Variants in SDCCAG8 observed in about 807,000 individuals in gnomAD.
SDCCAG8 encodes the protein serologically defined colon cancer antigen 8.
A neutral mutation model predicts 101.8 loss-of-function variants in SDCCAG8; 74 were observed. The observed-to-expected ratio is 0.73, with a 90% CI of 0.60 to 0.88. The LOEUF is 0.88. Ranked by LOEUF, SDCCAG8 falls within the 40% of genes least tolerant of loss-of-function variation. The probability of loss-of-function intolerance (pLI) is 0.00; values close to 1 mark genes in which losing one functional copy is unlikely to be tolerated. For synonymous variants in SDCCAG8, 281 were observed against 292.9 expected, an observed-to-expected ratio of 0.96 and a Z score of 0.41; for missense variants, 787 against 822.6, an observed-to-expected ratio of 0.96 and a Z score of 0.53.
At chr1:243,257,188 C>A (rs1431535747) in intron 1 of SDCCAG8, among the ~76,000 whole-genome samples, 4 of 152,140 alleles carry the variant, frequency 2.6e-5, no homozygotes, top group Admixed American at 2.6e-4. Context: ...TTATATGGGA[C>A]ATATGTGTAC....
chr1:243,498,318 C>T (rs1668546807), intron 17 of SDCCAG8, among the ~76,000 whole-genome samples: 2 of 152,216 alleles, frequency 1.3e-5, no homozygotes, highest in South Asian at 4.1e-4. Flanking sequence ...GGCTCTAGGG[C>T]ATAGTGCATG....
chr1:243,333,539 G>A (rs936677231), intron 10 of SDCCAG8, among the ~76,000 whole-genome samples: 16 of 152,264 alleles, frequency 1.1e-4, no homozygotes, highest in African/African-American at 3.6e-4. Flanking sequence ...CTTAATAGTC[G>A]AGTTTCTTGA....
At chr1:243,374,808 C>T (rs1009745942) in intron 12 of SDCCAG8, among the ~76,000 whole-genome samples, 3 of 151,938 alleles carry the variant, frequency 2.0e-5, no homozygotes, top group Non-Finnish European at 4.4e-5. Context: ...AGAGATCAAC[C>T]AGGCCATACA....
At chr1:243,259,465 AT>A (rs1195850736) in intron 1 of SDCCAG8, among the ~76,000 whole-genome samples, 1 of 152,092 alleles carries the variant, frequency 6.6e-6, no homozygotes, top group African/African-American at 2.4e-5. Context: ...TGTTGGTACT[AT>A]TATGGTATAT....
chr1:243,318,398 T>C (rs947152107), intron 9 of SDCCAG8: 8 of 177,102 alleles, frequency 4.5e-5, no homozygotes, highest in African/African-American at 1.7e-4. Flanking sequence ...GAGATCACTA[T>C]TGGGTACTGG....
chr1:243,421,561 C>T (rs1289127717), intron 15 of SDCCAG8, among the ~76,000 whole-genome samples: 2 of 152,174 alleles, frequency 1.3e-5, no homozygotes, highest in Non-Finnish European at 2.9e-5. Context: ...GTAGTTTGCG[C>T]GCTCTGTGTA....
At chr1:243,307,442 T>C in intron 7 of SDCCAG8, 1 of 981,394 alleles carries the variant, frequency 1.0e-6, no homozygotes, top group South Asian at 4.7e-5. Context: ...TAATTATCTA[T>C]CTAACAGTAA....
Position 243,458,895 on chromosome 1 carries a change from T to TA in SDCCAG8, c.1986-30118dup, listed in dbSNP as rs1251379296. ...TCAGTTTCTGAATTGAGTCCCAAGATACGTGCCTTAAGCTATTGCATGAAT... is the reference window on the plus strand; with the variant it reads ...TCAGTTTCTGAATTGAGTCCCAAGATAACGTGCCTTAAGCTATTGCATGAAT... On this transcript the variant is annotated intron_variant, in intron 16 of 17. Transcript: ENST00000366541. The surrounding 1 kb of genome is among the most constrained non-coding windows in gnomAD (Gnocchi z 4.5). Among the ~76,000 whole-genome samples, 2 of 152,372 alleles carry TA rather than the reference T, an allele frequency of 1.3e-5. No homozygotes were observed. Among genetic ancestry groups the TA allele is most frequent in the African/African-American group, 4.8e-5 (2 of 41,596 alleles).
chr1:243,331,267 A>G (rs765584665), intron 10 of SDCCAG8, among the ~76,000 whole-genome samples: 24 of 152,222 alleles, frequency 1.6e-4, no homozygotes, highest in Non-Finnish European at 3.2e-4. Context: ...GAGTTCACAA[A>G]CTAGAATACA....
chr1:243,339,579 G>C (rs1558319037), intron 10 of SDCCAG8, among the ~76,000 whole-genome samples: 1 of 152,104 alleles, frequency 6.6e-6, no homozygotes, highest in Non-Finnish European at 1.5e-5. Flanking sequence ...TTTGATGATA[G>C]GGATGTGTAA....
chr1:243,361,397 A>G (rs2076702956), intron 12 of SDCCAG8, among the ~76,000 whole-genome samples: 1 of 152,192 alleles, frequency 6.6e-6, no homozygotes, highest in South Asian at 2.1e-4. Flanking sequence ...TAGCTTCATA[A>G]AGTTATGCCC....
At chr1:243,280,742 T>C (rs2068960196) in intron 4 of SDCCAG8, among the ~76,000 whole-genome samples, 1 of 152,216 alleles carries the variant, frequency 6.6e-6, no homozygotes, top group Admixed American at 6.5e-5. Flanking sequence ...CAGCTATCGT[T>C]CTGTTATTGA....
intron 11 of SDCCAG8, among the ~76,000 whole-genome samples, chr1:243,343,885 A>T (rs2075533697): frequency 6.6e-6 from 1 of 152,214 alleles, no homozygotes; most frequent in Non-Finnish European, 1.5e-5. Context: ...TTAACTACTA[A>T]CTTTACCTAT....
In SDCCAG8 at chr1:243,344,279, A is replaced by G; in HGVS notation, c.1421A>G (p.Glu474Gly). The change falls in exon 12 of 18, where the codon GAG becomes GGG. Residue 474 changes from glutamate to glycine, a missense_variant. Transcript: ENST00000366541. ...ATGGAGAAGGATGAGGCAGAAAAGG[A>G]GCACAGAGAGTTCAGAGCAAAAACT... Reference protein sequence around the residue: ...TNMEKDEAEKEHREFRAKTNR... With the variant: ...TNMEKDEAEKGHREFRAKTNR... 6.2e-7 allele frequency: 1 copy of G among 1,614,064 alleles called. No individual in the cohort carries two copies.
chr1:243,425,147 G>A (rs1406108388), intron 15 of SDCCAG8, among the ~76,000 whole-genome samples: 1 of 152,094 alleles, frequency 6.6e-6, no homozygotes, highest in African/African-American at 2.4e-5. Flanking sequence ...ATCTGAACTT[G>A]AAAATGAGAT....
At chr1:243,349,946 A>G (rs767057603) in intron 12 of SDCCAG8, among the ~76,000 whole-genome samples, 26 of 152,136 alleles carry the variant, frequency 1.7e-4, no homozygotes, top group Non-Finnish European at 3.1e-4. Flanking sequence ...GCAAATATTC[A>G]GGGTGGGGTA....
chr1:243,339,785 G>T lies in SDCCAG8; in HGVS notation c.1222-1254G>T, dbSNP rs556528802. Among the ~76,000 whole-genome samples, 18 of 152,238 alleles carry T rather than the reference G, an allele frequency of 1.2e-4. No homozygotes were observed. The South Asian group carries it at 3.7e-3, about 32-fold the overall frequency. The stretch of plus-strand genomic sequence containing the variant: ...TGTTGATTTTTATCATAGAATTTTA[G>T]TAATTGATTTAAGTTATAAAACTGA... On this transcript the variant is annotated intron_variant, in intron 10 of 17. Coordinates refer to ENST00000366541, the MANE Select transcript of SDCCAG8 (RefSeq NM_006642.5).
intron 8 of SDCCAG8, among the ~76,000 whole-genome samples, chr1:243,315,249 G>A (rs1026404186): frequency 1.1e-4 from 16 of 152,082 alleles, no homozygotes; most frequent in African/African-American, 2.4e-4. Context: ...CCCCTTTTAC[G>A]TTATAGAACT....
At chr1:243,469,745 T>A (rs184427815) in intron 16 of SDCCAG8, among the ~76,000 whole-genome samples, 47 of 152,192 alleles carry the variant, frequency 3.1e-4, no homozygotes, top group African/African-American at 1.1e-3. Context: ...CATGTGTGCA[T>A]CTGGAACCTA....
Sources: gnomAD v4.1 joint callset for allele counts (sites outside exome capture counted in the v4.1 genomes callset) on GRCh38, gnomAD v4.1.1 for gene constraint, Gnocchi (gnomAD v3.1) non-coding constraint, MANE v1.5 for transcripts, NCBI Gene and HGNC (gene_info 2026-07-23, HGNC 2026-07-21) for gene names.